Variants in FAM241A observed in about 807,000 individuals in gnomAD.
FAM241A encodes the protein family with sequence similarity 241 member A.
A neutral mutation model predicts 12.2 loss-of-function variants in FAM241A; 7 were observed. That is an observed-to-expected ratio of 0.58 (90% CI 0.33 to 1.08). The LOEUF (loss-of-function observed/expected upper bound fraction) is 1.08. Ranked by LOEUF, FAM241A falls within the 50% of genes least tolerant of loss-of-function variation. The pLI is 0.04. For synonymous variants in FAM241A, 74 were observed against 68.2 expected (o/e 1.08, Z -0.42); for missense variants, 161 against 169.7 (o/e 0.95, Z 0.29).
intron 1 of FAM241A, chr4:112,171,175 T>A (rs1723710776): frequency 1.8e-6 from 1 of 551,974 alleles, no homozygotes; most frequent in Non-Finnish European, 3.3e-6. Context: ...TTAAAATTAT[T>A]ATTTTTACTT....
intron 1 of FAM241A, among the ~76,000 whole-genome samples, chr4:112,161,151 CA>C (rs539886665): frequency 9.3e-4 from 141 of 152,280 alleles, no homozygotes; most frequent in Middle Eastern, 3.4e-3. Flanking sequence ...CTCTGGGACA[CA>C]GTTAAAGCAG....
intron 1 of FAM241A, among the ~76,000 whole-genome samples, chr4:112,174,193 A>G (rs1253176870): frequency 6.6e-6 from 1 of 152,200 alleles, no homozygotes; most frequent in Admixed American, 6.5e-5. Context: ...AGTCCAGAAC[A>G]CGGAGGCCCA....
At chr4:112,153,095 CAA>C (rs1450169485) in intron 1 of FAM241A, among the ~76,000 whole-genome samples, 4 of 152,022 alleles carry the variant, frequency 2.6e-5, no homozygotes, top group African/African-American at 4.8e-5. Flanking sequence ...ATTTATTGAA[CAA>C]AGTGTTAAGA....
At chr4:112,170,390 A>G (rs867746513) in intron 1 of FAM241A, among the ~76,000 whole-genome samples, 3 of 152,244 alleles carry the variant, frequency 2.0e-5, no homozygotes, top group African/African-American at 7.2e-5. Context: ...AGTTAAAGAC[A>G]CAGTAAGAGA....
chr4:112,176,863 A>G (rs1046130047), intron 1 of FAM241A, among the ~76,000 whole-genome samples: 6 of 152,218 alleles, frequency 3.9e-5, no homozygotes, highest in African/African-American at 1.4e-4. Context: ...GGGACCTCAC[A>G]TACAAAGAAT....
intron 1 of FAM241A, among the ~76,000 whole-genome samples, chr4:112,166,614 C>T (rs1723600462): frequency 6.6e-6 from 1 of 152,270 alleles, no homozygotes; most frequent in Admixed American, 6.5e-5. Flanking sequence ...TGTCAGAATA[C>T]TCCTGCTTTC....
chr4:112,150,915 T>A (rs1162653716), intron 1 of FAM241A, among the ~76,000 whole-genome samples: 1 of 152,226 alleles, frequency 6.6e-6, no homozygotes, highest in African/African-American at 2.4e-5. Flanking sequence ...CATGTGAGTG[T>A]TAGCTGTTAG....
chr4:112,165,059 C>A (rs1723565957), intron 1 of FAM241A, among the ~76,000 whole-genome samples: 1 of 152,182 alleles, frequency 6.6e-6, no homozygotes, highest in Non-Finnish European at 1.5e-5. Context: ...TGTGATCGCA[C>A]CACCGCACTC....
intron 1 of FAM241A, among the ~76,000 whole-genome samples, chr4:112,160,092 C>T (rs757720328): frequency 2.6e-5 from 4 of 152,112 alleles, no homozygotes; most frequent in Middle Eastern, 3.4e-3. Flanking sequence ...AATACAAAAC[C>T]AACACACAAA....
At chr4:112,163,396 T>C (rs1470705517) in intron 1 of FAM241A, among the ~76,000 whole-genome samples, 1 of 152,050 alleles carries the variant, frequency 6.6e-6, no homozygotes. Context: ...GAGAAAAATT[T>C]TACAATCTAC....
Position 112,188,979 on chromosome 4 carries a change from A to T in FAM241A, c.*2041A>T, listed in dbSNP as rs956182962. 1 of 152,202 alleles carries T rather than the reference A, an allele frequency of 6.6e-6. No homozygotes were observed. The highest frequency in any genetic ancestry group is 6.5e-5 in the Admixed American group (1 of 15,286). 9.4% of individuals were successfully genotyped at this position (152,202 alleles called of 1,614,324 possible). On this transcript the variant is annotated 3_prime_UTR_variant, in exon 2 of 2. Transcript: ENST00000309733. ...ATTTGGCTTTGATATGGGAAAAAAC[A>T]AACTTTGCCTATGTAATGGAAATAA...
chr4:112,178,906 A>C (rs1223879009), intron 1 of FAM241A, among the ~76,000 whole-genome samples: 1 of 152,206 alleles, frequency 6.6e-6, no homozygotes, highest in Non-Finnish European at 1.5e-5. Context: ...GAGAAATACA[A>C]ATCAAAACCA....
chr4:112,162,337 G>A (rs974229940), intron 1 of FAM241A, among the ~76,000 whole-genome samples: 67 of 152,236 alleles, frequency 4.4e-4, no homozygotes, highest in African/African-American at 1.6e-3. Flanking sequence ...AAGAAATAAA[G>A]GGTATTCAAT....
At chr4:112,147,371 G>GA (rs1226530125) in intron 1 of FAM241A, among the ~76,000 whole-genome samples, 2 of 152,118 alleles carry the variant, frequency 1.3e-5, no homozygotes, top group African/African-American at 4.8e-5. Flanking sequence ...CACAATAATT[G>GA]AAAATCACAC....
chr4:112,167,833 AAGCT>A lies in FAM241A; in HGVS notation c.154-18856_154-18853del, dbSNP rs1205000800. 3.3e-5 allele frequency among the ~76,000 whole-genome samples: 5 copies of A among 152,358 alleles called. No individual in the cohort carries two copies. The East Asian group carries it at 9.6e-4, about 29-fold the overall frequency. On this transcript the variant is annotated intron_variant, in intron 1 of 1. Transcript: ENST00000309733. Reference sequence around the variant, plus strand: ...AAATTGACTAAGTAATTTATTTTGCAAGCTAGCCTATTCTGTGAATCAAGGATTG... The same window carrying A: ...AAATTGACTAAGTAATTTATTTTGCAAGCCTATTCTGTGAATCAAGGATTG...
intron 1 of FAM241A, chr4:112,171,246 T>C (rs1184648837): frequency 2.7e-6 from 2 of 740,216 alleles, no homozygotes; most frequent in Non-Finnish European, 4.9e-6. Context: ...CCACTGGACT[T>C]TCTGTACGAA....
At chr4:112,171,438 T>A in intron 1 of FAM241A, 1 of 776,000 alleles carries the variant, frequency 1.3e-6, no homozygotes, top group Non-Finnish European at 2.4e-6. Context: ...TTGAGCCAAC[T>A]GCAGATCTAA....
rs1724196922 is a variant in FAM241A at position 112,193,007 on chromosome 4, T to C, written c.*6069T>C. The C allele has an allele frequency of 6.7e-6, 1 of 149,584 alleles. No homozygotes were observed. 9.3% of individuals were successfully genotyped at this position (149,584 alleles called of 1,614,324 possible). On this transcript the variant is annotated 3_prime_UTR_variant, in exon 2 of 2. Coordinates refer to ENST00000309733, the MANE Select transcript of FAM241A (RefSeq NM_152400.3). ...ATTTCTCCACATCCTCTCCAGCACC[T>C]GTTGTTTCCTGACTTTTTAATGATC...
intron 1 of FAM241A, 84 bp downstream of exon 1, chr4:112,145,817 C>G (rs939627486): frequency 2.4e-6 from 2 of 849,960 alleles, no homozygotes; most frequent in Non-Finnish European, 2.9e-6. Flanking sequence ...GGGCCCGGCC[C>G]GCGGGCCGCG....
Sources: allele counts gnomAD v4.1 joint callset (sites outside exome capture counted in the v4.1 genomes callset), GRCh38; gene constraint gnomAD v4.1.1; transcripts MANE v1.5; gene names NCBI Gene and HGNC (gene_info 2026-07-23, HGNC 2026-07-21).